The following CAMSAP3 variants were observed in gnomAD, a reference collection of about 807,000 sequenced individuals.
CAMSAP3 encodes the protein calmodulin-regulated spectrin-associated protein 3.
In CAMSAP3, 34 loss-of-function variants were observed where a neutral mutation model predicts 112.5. The ratio of observed to expected loss-of-function variants is 0.30; its 90% CI spans 0.23 to 0.40. The LOEUF is 0.40. CAMSAP3 is among the 10% of genes least tolerant of loss of function. The pLI is 1.00. For synonymous variants in CAMSAP3, 868 were observed against 799.8 expected (o/e 1.09, Z -1.44); for missense variants, 1,602 against 1,770.3 (o/e 0.90, Z 1.71).
In CAMSAP3 at chr19:7,617,639, C is replaced by T. The variant is rs200434657; in HGVS notation, c.3422C>T (p.Pro1141Leu). Residue 1141 changes from proline (P) to leucine (L), a missense_variant, in exon 16 of 17, where the codon CCG (proline) becomes CTG (leucine). Physicochemically the swap from Pro to Leu is moderately conservative, Grantham distance 98. Coordinates refer to ENST00000160298, the MANE Select transcript of CAMSAP3 (RefSeq NM_020902.2). This position sits in a 1 kb window ranked among gnomAD's most constrained non-coding sequence, Gnocchi z 7.5. The stretch of plus-strand genomic sequence containing the variant: ...TGCCTGGCGGGCAAGGTGAACGAAC[C>T]GCAGAAGAATCGCATTCTGGAGGTG... Reference protein sequence around the residue: ...HCCLAGKVNEPQKNRILEEIE... With the variant: ...HCCLAGKVNELQKNRILEEIE... The T allele has an allele frequency of 7.7e-5, 124 of 1,613,970 alleles. No homozygotes were observed. The highest frequency in any genetic ancestry group is 9.6e-5 in the Non-Finnish European group (113 of 1,179,986).
rs1328225500 is a variant in CAMSAP3 at position 7,610,737 on chromosome 19, GT to G, written c.942del (p.Phe314LeufsTer11). The G allele has an allele frequency of 6.2e-7, 1 of 1,613,912 alleles. No individual in the cohort carries two copies. Among genetic ancestry groups the G allele is most frequent in the Non-Finnish European group, 8.5e-7 (1 of 1,180,004 alleles). ...LVVMLAELFM[C>X]FEVLKPDFVQ... ...GTGATGCTGGCCGAGTTGTTCATGT[GT>G]TTTGAGGTGCTCAAGCCCGACTTTG... On this transcript the variant is annotated frameshift_variant, in exon 7 of 17. Transcript: ENST00000160298. LOFTEE classifies it high-confidence loss of function. This position sits in a 1 kb window ranked among gnomAD's most constrained non-coding sequence, Gnocchi z 4.9.
rs1166419617 is a variant in CAMSAP3 at position 7,611,193 on chromosome 19, G to A, written c.1123+25G>A. On this transcript the variant is annotated intron_variant, in intron 9 of 16. Coordinates refer to ENST00000160298, the MANE Select transcript of CAMSAP3 (RefSeq NM_020902.2). The surrounding 1 kb of genome is among the most constrained non-coding windows in gnomAD (Gnocchi z 6.9). The stretch of plus-strand genomic sequence containing the variant: ...GGTGAGGAGGGGGTAGGTGGCTTCT[G>A]TCACGGGGGACCCCCCCACTCACAG... The A allele has an allele frequency of 6.2e-7, 1 of 1,611,392 alleles. No homozygotes were observed. Among genetic ancestry groups the A allele is most frequent in the East Asian group, 2.2e-5 (1 of 44,882 alleles).
chr19:7,613,131 G>C lies in CAMSAP3; in HGVS notation c.2638G>C (p.Glu880Gln). The C allele has an allele frequency of 6.5e-7, 1 of 1,543,012 alleles. No individual in the cohort carries two copies. The highest frequency in any genetic ancestry group is 8.7e-7 in the Non-Finnish European group (1 of 1,143,910). ...SLEEEASSEG[E>Q]PRVGLGFFYK... Reference sequence around the variant, plus strand: ...GGAGGAGGAGGCGTCTTCGGAGGGGGAGCCCCGGGTGGGGCTGGGGTTCTT... The same window carrying C: ...GGAGGAGGAGGCGTCTTCGGAGGGGCAGCCCCGGGTGGGGCTGGGGTTCTT... Residue 880 changes from glutamate to glutamine, a missense_variant, in exon 11 of 17, where the codon GAG becomes CAG. By Grantham distance (29) the Glu-to-Gln change is conservative. Around this residue, in one of 6 missense-constraint regions of CAMSAP3, gnomAD observed 1,100 missense variants for 1,135.7 expected, o/e 0.97. Transcript: ENST00000160298.
intron 13 of CAMSAP3, among the ~76,000 whole-genome samples, chr19:7,616,094 G>A (rs2030773159): frequency 6.6e-6 from 1 of 152,066 alleles, no homozygotes; most frequent in Non-Finnish European, 1.5e-5. Flanking sequence ...GACTGAGGCA[G>A]GAGAATCGCT....
In CAMSAP3 at chr19:7,608,176, G is replaced by A. The variant is rs376006296; in HGVS notation, c.672G>A (p.Pro224=). ...TGGCGCGACGTGCCCCCTGCTTCCC[G>A]ACGGTGACCAGCCTCCAGGACCTGG... ...RVVARRAPCF[P]TVTSLQDLAS... The change falls in exon 5 of 17, where the codon CCG becomes CCA. Residue 224 remains proline, a synonymous_variant. Coordinates refer to ENST00000160298, the MANE Select transcript of CAMSAP3 (RefSeq NM_020902.2). The A allele has an allele frequency of 3.7e-5, 59 of 1,612,528 alleles. 1 individual carries two copies. The East Asian group carries it at 4.5e-4, about 12-fold the overall frequency.
Position 7,605,828 on chromosome 19 carries a change from C to T in CAMSAP3, c.402+349C>T, listed in dbSNP as rs528159468. ...CCTATCATCAGTCTTGGCTCTGTCC[C>T]TTAAGCTCTGTCCATCAAACCTAGC... is the stretch of plus-strand genomic sequence containing the variant. On this transcript the variant is annotated intron_variant, in intron 2 of 16. Transcript: ENST00000160298. Among the ~76,000 whole-genome samples, 10 of 150,728 alleles carry T rather than the reference C, an allele frequency of 6.6e-5. No individual in the cohort carries two copies. The South Asian group carries it at 1.9e-3, about 29-fold the overall frequency.
rs751458170 is a variant in CAMSAP3 at position 7,605,431 on chromosome 19, C to A, written c.354C>A (p.Pro118=). The stretch of plus-strand genomic sequence containing the variant: ...GGAGGGGCACAGTGCCTGCTTTGCC[C>A]GAGCGCCCGGTGCGCGAGGCCGACC... The part of the protein sequence containing the change: ...LARRGTVPAL[P]ERPVREADLR... Residue 118 remains proline, a synonymous_variant, in exon 2 of 17, where the codon CCC becomes CCA. Transcript: ENST00000160298. 4.1e-6 allele frequency: 6 copies of A among 1,460,624 alleles called. No individual in the cohort carries two copies. Among genetic ancestry groups the A allele is most frequent in the Non-Finnish European group, 5.4e-6 (6 of 1,102,910 alleles). The allele number at this position is 1,460,624 out of a possible 1,614,324, so 90.5% of individuals were successfully genotyped here. A position where few individuals can be genotyped will look rare whatever the true frequency, so the allele number is the denominator to read the frequency against.
At chr19:7,596,383 G>A (rs1231486765) in intron 1 of CAMSAP3, among the ~76,000 whole-genome samples, 5 of 151,290 alleles carry the variant, frequency 3.3e-5, no homozygotes, top group African/African-American at 9.7e-5. Flanking sequence ...TGGGGCCCGC[G>A]GCCCAGCTCC....
chr19:7,609,878 T>C (rs2030385948), intron 5 of CAMSAP3, among the ~76,000 whole-genome samples: 1 of 152,044 alleles, frequency 6.6e-6, no homozygotes, highest in Non-Finnish European at 1.5e-5. Flanking sequence ...CCGCCGCTGA[T>C]CTGACGGAAG....
In CAMSAP3 at chr19:7,605,437, C is replaced by G; in HGVS notation, c.360C>G (p.Arg120=). Residue 120 remains arginine (R), a synonymous_variant, in exon 2 of 17, where the codon CGC becomes CGG. Transcript: ENST00000160298. ...RRGTVPALPE[R]PVREADLRHQ... The stretch of plus-strand genomic sequence containing the variant: ...GCACAGTGCCTGCTTTGCCCGAGCG[C>G]CCGGTGCGCGAGGCCGACCTGAGGC... 6.9e-7 allele frequency: 1 copy of G among 1,457,514 alleles called. No homozygotes were observed. Among genetic ancestry groups the G allele is most frequent in the Non-Finnish European group, 9.1e-7 (1 of 1,101,670 alleles). The allele number at this position is 1,457,514 out of a possible 1,614,324, so 90.3% of individuals were successfully genotyped here.
At chr19:7,604,885 TG>T (rs1014613668) in intron 1 of CAMSAP3, among the ~76,000 whole-genome samples, 6 of 152,158 alleles carry the variant, frequency 3.9e-5, no homozygotes, top group African/African-American at 1.2e-4. Flanking sequence ...TTGTCTTTCC[TG>T]GGACCTACAA....
rs916753593 is a variant in CAMSAP3 at position 7,607,225 on chromosome 19, C to G, written c.621+654C>G. ...ATCCTGACCCTAGCAGGCAGGGCAC[C>G]CTCTGGCCAAGGGGAAGACCCTCCA... is the stretch of plus-strand genomic sequence containing the variant. On this transcript the variant is annotated intron_variant, in intron 4 of 16. Transcript: ENST00000160298. This position sits in a 1 kb window ranked among gnomAD's most constrained non-coding sequence, Gnocchi z 4.9. Among the ~76,000 whole-genome samples, 1 of 152,096 alleles carries G rather than the reference C, an allele frequency of 6.6e-6. No homozygotes were observed. The highest frequency in any genetic ancestry group is 1.5e-5 in the Non-Finnish European group (1 of 68,020).
rs1413150125 is a variant in CAMSAP3, at chr19:7,606,334, C to G, written c.466C>G (p.Leu156Val). The change falls in exon 3 of 17, where the codon CTG (leucine) becomes GTG (valine). Residue 156 changes from leucine (L) to valine (V), a missense_variant. Physicochemically the swap from Leu to Val is conservative, Grantham distance 32 (BLOSUM62 1). Coordinates refer to ENST00000160298, the MANE Select transcript of CAMSAP3 (RefSeq NM_020902.2). Reference protein sequence around the residue: ...AAFAFEWTKTLPGPLALTSLE... With the variant: ...AAFAFEWTKTVPGPLALTSLE... ...CTTTGCCTTCGAGTGGACAAAGACC[C>G]TGCCAGGTCCCTTGGCCCTGACCAG... The G allele has an allele frequency of 6.2e-7, 1 of 1,613,824 alleles. No individual in the cohort carries two copies. The highest frequency in any genetic ancestry group is 1.7e-5 in the Admixed American group (1 of 60,006).
chr19:7,610,468 C>A lies in CAMSAP3; in HGVS notation c.761-8C>A. ...AGAGTTGGGGACCCACTCCTCCTGT[C>A]CCCACAGAGGTGTGCTTGAAGGACC... On this transcript the variant is annotated splice_polypyrimidine_tract_variant and splice_region_variant and intron_variant, in intron 5 of 16. Transcript: ENST00000160298. The surrounding 1 kb of genome is among the most constrained non-coding windows in gnomAD (Gnocchi z 4.9). 6.2e-7 allele frequency: 1 copy of A among 1,605,532 alleles called. No homozygotes were observed. The highest frequency in any genetic ancestry group is 1.1e-5 in the South Asian group (1 of 89,842).
chr19:7,617,382 G>A lies in CAMSAP3; in HGVS notation c.3269G>A (p.Arg1090Gln), dbSNP rs746780174. 1.7e-5 allele frequency: 27 copies of A among 1,614,100 alleles called. No homozygotes were observed. Among genetic ancestry groups the A allele is most frequent in the East Asian group, 2.2e-5 (1 of 44,876 alleles). Residue 1090 changes from arginine to glutamine, a missense_variant, in exon 15 of 17, where the codon CGG becomes CAG. Around this residue, in one of 6 missense-constraint regions of CAMSAP3, gnomAD observed 1,100 missense variants for 1,135.7 expected, o/e 0.97. Transcript: ENST00000160298. The surrounding 1 kb of genome is among the most constrained non-coding windows in gnomAD (Gnocchi z 7.5). ...AGCCGCCTGCCTGGAAGCCGCGAAC[G>A]GGACTGGGAAAATGGCAGCAATGCC... ...SPSRLPGSRE[R>Q]DWENGSNASS... is the part of the protein sequence containing the mutation.
intron 1 of CAMSAP3, 22 bp from the exon 2 acceptor site, chr19:7,605,204 T>A: frequency 2.0e-5 from 29 of 1,450,524 alleles, no homozygotes; most frequent in Non-Finnish European, 2.7e-5. Flanking sequence ...GACCCCCGTG[T>A]TTCCCCTCTA....
Position 7,596,108 on chromosome 19 carries a change from G to C in CAMSAP3, c.106G>C (p.Ala36Pro). Residue 36 changes from alanine (A) to proline (P), a missense_variant, in exon 1 of 17, where the codon GCC becomes CCC. By Grantham distance (27) the Ala-to-Pro change is conservative. Coordinates refer to ENST00000160298, the MANE Select transcript of CAMSAP3 (RefSeq NM_020902.2). Reference protein sequence around the residue: ...QYDFSRAKAAASLAWVLRAAF... With the variant: ...QYDFSRAKAAPSLAWVLRAAF... ...CGATTTCTCGCGGGCCAAGGCGGCG[G>C]CCAGCCTGGCGTGGGTGCTGCGGGC... 7.9e-7 allele frequency: 1 copy of C among 1,260,000 alleles called. No homozygotes were observed. The highest frequency in any genetic ancestry group is 1.5e-5 in the South Asian group (1 of 64,822). 78.1% of individuals were successfully genotyped at this position (1,260,000 alleles called of 1,614,324 possible).
At chr19:7,605,760 C>G (rs1009611428) in intron 2 of CAMSAP3, among the ~76,000 whole-genome samples, 4 of 151,038 alleles carry the variant, frequency 2.6e-5, no homozygotes, top group Non-Finnish European at 5.9e-5. Flanking sequence ...TCCTATCAGT[C>G]TTGGCTCCTT....
chr19:7,610,792 C>T lies in CAMSAP3; in HGVS notation c.993C>T (p.His331=), dbSNP rs773211910. Residue 331 remains histidine (H), a splice_region_variant and synonymous_variant, in exon 7 of 17, where the codon CAC becomes CAT. Coordinates refer to ENST00000160298, the MANE Select transcript of CAMSAP3 (RefSeq NM_020902.2). This position sits in a 1 kb window ranked among gnomAD's most constrained non-coding sequence, Gnocchi z 4.9. ...FVQVKDLPDG[H]AASPRGTEAS... ...AAGTGAAGGACTTGCCCGATGGTCA[C>T]GGTGAGGCCCTGGGGGCCTGGGGGC... The T allele has an allele frequency of 6.3e-6, 10 of 1,593,998 alleles. No homozygotes were observed. The highest frequency in any genetic ancestry group is 2.3e-5 in the East Asian group (1 of 44,390).
Sources: allele counts gnomAD v4.1 joint callset (sites outside exome capture counted in the v4.1 genomes callset), GRCh38; gene constraint gnomAD v4.1.1; regional missense constraint gnomAD v4.1.1; non-coding constraint Gnocchi (gnomAD v3.1); transcripts MANE v1.5; gene names NCBI Gene and HGNC (gene_info 2026-07-23, HGNC 2026-07-21).